ARHGAP12: variants seen among roughly 807,000 people sequenced by gnomAD.
ARHGAP12 encodes Rho GTPase activating protein 12.
ARHGAP12 carries 64 observed loss-of-function variants against 108.6 expected under a neutral mutation model. The observed-to-expected ratio is 0.59, with a 90% CI of 0.48 to 0.73. The LOEUF is 0.73. ARHGAP12 is among the 30% of genes least tolerant of loss of function. The probability of loss-of-function intolerance (pLI) is 0.00; values close to 1 mark genes in which losing one functional copy is unlikely to be tolerated. For synonymous variants in ARHGAP12, 312 were observed against 337.2 expected (o/e 0.93, Z 0.82); for missense variants, 940 against 1,005.9 (o/e 0.93, Z 0.89).
chr10:31,831,428 C>T (rs954829251), intron 10 of ARHGAP12, among the ~76,000 whole-genome samples: 63 of 152,170 alleles, frequency 4.1e-4, no homozygotes, highest in African/African-American at 1.4e-3. Context: ...ATTGACTTTT[C>T]ACTCAATACT....
chr10:31,915,015 T>G (rs139229744), intron 1 of ARHGAP12, among the ~76,000 whole-genome samples: 7 of 152,256 alleles, frequency 4.6e-5, no homozygotes, highest in African/African-American at 1.4e-4. Flanking sequence ...GGACGTTACG[T>G]TGAATGAAAT....
chr10:31,872,834 T>C (rs1223601955), intron 3 of ARHGAP12, among the ~76,000 whole-genome samples: 1 of 152,202 alleles, frequency 6.6e-6, no homozygotes, highest in Non-Finnish European at 1.5e-5. Flanking sequence ...CCATTCTCCC[T>C]ATATTATTTG....
chr10:31,850,041 C>A (rs2132275573), intron 6 of ARHGAP12, among the ~76,000 whole-genome samples: 1 of 152,198 alleles, frequency 6.6e-6, no homozygotes, highest in South Asian at 2.1e-4. Context: ...TTCAAAGGAC[C>A]CTGACCTGGG....
Position 31,839,670 on chromosome 10 carries a change from C to G in ARHGAP12, c.1338G>C (p.Glu446Asp). Reference protein sequence around the residue: ...TASKPCFPENESSPSSPKHQD... With the variant: ...TASKPCFPENDSSPSSPKHQD... ...GGTGCTTTGGTGAGGAGGGAGAAGA[C>G]TCATTTTCAGGAAAGCAGGGTTTTG... The change falls in exon 8 of 20, where the codon GAG (glutamate) becomes GAC (aspartate). Residue 446 changes from glutamate to aspartate, a missense_variant. By Grantham distance (45) the Glu-to-Asp change is conservative (BLOSUM62 2). Coordinates refer to ENST00000344936, the MANE Select transcript of ARHGAP12 (RefSeq NM_018287.7). 1 of 1,608,932 alleles carries G rather than the reference C, an allele frequency of 6.2e-7. No individual in the cohort carries two copies. Among genetic ancestry groups the G allele is most frequent in the Non-Finnish European group, 8.5e-7 (1 of 1,176,648 alleles).
intron 6 of ARHGAP12, among the ~76,000 whole-genome samples, chr10:31,849,524 AGACT>A (rs1464468610): frequency 6.6e-6 from 1 of 152,222 alleles, no homozygotes; most frequent in Non-Finnish European, 1.5e-5. Flanking sequence ...GATTTATCTT[AGACT>A]TACTAGTAAG....
chr10:31,878,331 CA>C (rs1374327960), intron 3 of ARHGAP12, among the ~76,000 whole-genome samples: 2 of 152,180 alleles, frequency 1.3e-5, no homozygotes, highest in African/African-American at 2.4e-5. Context: ...CACAGATTTT[CA>C]ACTTTCAAAC....
intron 3 of ARHGAP12, among the ~76,000 whole-genome samples, chr10:31,866,018 A>G (rs987950101): frequency 2.0e-5 from 3 of 152,236 alleles, no homozygotes; most frequent in African/African-American, 7.2e-5. Flanking sequence ...TATGAATTAA[A>G]ATGAGAACAT....
intron 1 of ARHGAP12, among the ~76,000 whole-genome samples, chr10:31,928,124 C>G (rs749607220): frequency 3.9e-5 from 6 of 152,084 alleles, no homozygotes; most frequent in Non-Finnish European, 7.4e-5. Context: ...AGCCCCACCG[C>G]GATTAGGGAG....
intron 9 of ARHGAP12, among the ~76,000 whole-genome samples, chr10:31,838,618 G>T (rs1296509263): frequency 6.6e-6 from 1 of 151,790 alleles, no homozygotes; most frequent in African/African-American, 2.4e-5. Flanking sequence ...TCACTTGAGG[G>T]CAGGAGTTTG....
At chr10:31,833,394 G>C (rs1395416734) in intron 9 of ARHGAP12, among the ~76,000 whole-genome samples, 3 of 151,602 alleles carry the variant, frequency 2.0e-5, no homozygotes, top group Non-Finnish European at 4.4e-5. Flanking sequence ...GAAGAAAAAT[G>C]GATGGCATAG....
intron 1 of ARHGAP12, among the ~76,000 whole-genome samples, chr10:31,918,724 A>C (rs1326364870): frequency 6.6e-6 from 1 of 152,182 alleles, no homozygotes; most frequent in East Asian, 1.9e-4. Context: ...AAATATAACT[A>C]AATAAATAAC....
intron 9 of ARHGAP12, among the ~76,000 whole-genome samples, chr10:31,838,065 A>G (rs547806373): frequency 6.6e-6 from 1 of 152,320 alleles, no homozygotes; most frequent in Admixed American, 6.5e-5. Flanking sequence ...TACTATGAAG[A>G]GTATTATAGG....
intron 1 of ARHGAP12, among the ~76,000 whole-genome samples, chr10:31,920,171 A>G (rs1486282187): frequency 6.7e-6 from 1 of 148,950 alleles, no homozygotes; most frequent in East Asian, 2.0e-4. Flanking sequence ...ACTGAAAATT[A>G]GCCGGGCGCA....
chr10:31,836,519 G>A (rs1360936667), intron 9 of ARHGAP12, among the ~76,000 whole-genome samples: 1 of 152,110 alleles, frequency 6.6e-6, no homozygotes, highest in Non-Finnish European at 1.5e-5. Flanking sequence ...ATTAAGGGAC[G>A]AAATTTTAAA....
intron 1 of ARHGAP12, among the ~76,000 whole-genome samples, chr10:31,924,591 T>C (rs2132508199): frequency 1.3e-5 from 2 of 152,314 alleles, no homozygotes; most frequent in East Asian, 3.9e-4. Flanking sequence ...TGAATGTTAG[T>C]TTATTTTATG....
chr10:31,926,715 T>A (rs555208345), intron 1 of ARHGAP12, among the ~76,000 whole-genome samples: 70 of 152,352 alleles, frequency 4.6e-4, no homozygotes, highest in Non-Finnish European at 8.5e-4. Context: ...TTTGTAAAGT[T>A]CACTTTCTAT....
At chr10:31,852,883 C>T (rs575949721) in intron 5 of ARHGAP12, among the ~76,000 whole-genome samples, 86 of 152,030 alleles carry the variant, frequency 5.7e-4, no homozygotes, top group Non-Finnish European at 7.9e-4. Flanking sequence ...TGTGCCACCA[C>T]GCCTGGCTAA....
chr10:31,872,315 G>A (rs1390919322), intron 3 of ARHGAP12, among the ~76,000 whole-genome samples: 2 of 151,834 alleles, frequency 1.3e-5, no homozygotes, highest in East Asian at 1.9e-4. Context: ...TCCTCTCCCC[G>A]AGCTACCGAC....
chr10:31,913,357 A>G (rs1172953990), intron 1 of ARHGAP12: 1 of 157,680 alleles, frequency 6.3e-6, no homozygotes, highest in Non-Finnish European at 1.4e-5. Flanking sequence ...TGAAAGAGAA[A>G]TGAAAGCCTA....
Sources: gnomAD v4.1 joint callset for allele counts (sites outside exome capture counted in the v4.1 genomes callset) on GRCh38, gnomAD v4.1.1 for gene constraint, MANE v1.5 for transcripts, NCBI Gene and HGNC (gene_info 2026-07-23, HGNC 2026-07-21) for gene names.